ATP2B2: variants seen among roughly 807,000 people sequenced by gnomAD.
ATP2B2 encodes ATPase plasma membrane Ca2+ transporting 2, also known as plasma membrane calcium-transporting ATPase 2.
A neutral mutation model predicts 120.0 loss-of-function variants in ATP2B2; 15 were observed. The ratio of observed to expected loss-of-function variants is 0.12; its 90% CI spans 0.08 to 0.19. The LOEUF (loss-of-function observed/expected upper bound fraction) is 0.19. ATP2B2 is among the 10% of genes least tolerant of loss of function. The probability of loss-of-function intolerance (pLI) is 1.00; values close to 1 mark genes in which losing one functional copy is unlikely to be tolerated. For missense variants in ATP2B2, 1,045 were observed against 1,719.8 expected (o/e 0.61, Z 6.94); for synonymous variants, 694 against 700.3 (o/e 0.99, Z 0.14).
At chr3:10,527,781 C>T (rs140486782) in intron 3 of ATP2B2, among the ~76,000 whole-genome samples, 108 of 152,346 alleles carry the variant, frequency 7.1e-4, no homozygotes, top group African/African-American at 2.5e-3. Flanking sequence ...CCGGTGTCCC[C>T]GCTGGGTTTC....
intron 6 of ATP2B2, among the ~76,000 whole-genome samples, chr3:10,387,409 C>T (rs2061711892): frequency 1.3e-5 from 2 of 152,228 alleles, no homozygotes; most frequent in South Asian, 4.1e-4. Context: ...GTGGGGGAGG[C>T]ATCTGTCCTC....
chr3:10,512,194 TGTC>T (rs1161661881), intron 3 of ATP2B2, among the ~76,000 whole-genome samples: 5 of 152,106 alleles, frequency 3.3e-5, no homozygotes, highest in Non-Finnish European at 7.4e-5. Flanking sequence ...GTGATCTCTC[TGTC>T]GTCTTCCTGC....
intron 3 of ATP2B2, among the ~76,000 whole-genome samples, chr3:10,405,439 T>G (rs2062376681): frequency 6.6e-6 from 1 of 151,950 alleles, no homozygotes; most frequent in South Asian, 2.1e-4. Context: ...AAAGTGGGAG[T>G]GCAGATCGCT....
chr3:10,557,275 G>C (rs1360607883), intron 2 of ATP2B2, among the ~76,000 whole-genome samples: 1 of 152,244 alleles, frequency 6.6e-6, no homozygotes, highest in African/African-American at 2.4e-5. Flanking sequence ...CCAGAGAGTA[G>C]GCAGACGCTT....
At chr3:10,426,852 C>T (rs1474987693) in intron 2 of ATP2B2, among the ~76,000 whole-genome samples, 7 of 6,050 alleles carry the variant, frequency 1.2e-3, no homozygotes, top group Admixed American at 2.5e-3. Flanking sequence ...AAGAATTTTG[C>T]GGGGGATAGG....
intron 1 of ATP2B2, among the ~76,000 whole-genome samples, chr3:10,624,226 C>T (rs181836816): frequency 8.9e-4 from 135 of 152,278 alleles, no homozygotes; most frequent in Admixed American, 2.8e-3. Flanking sequence ...GGAATGGTGG[C>T]CTCAAAGATC....
intron 1 of ATP2B2, among the ~76,000 whole-genome samples, chr3:10,669,859 G>A (rs1193179261): frequency 6.6e-6 from 1 of 152,162 alleles, no homozygotes; most frequent in Non-Finnish European, 1.5e-5. Context: ...TGGGTTACCC[G>A]AGGTCAGTCC....
At chr3:10,493,840 C>T (rs2066031029) in intron 1 of ATP2B2, among the ~76,000 whole-genome samples, 1 of 152,138 alleles carries the variant, frequency 6.6e-6, no homozygotes, top group Non-Finnish European at 1.5e-5. Flanking sequence ...CAGGAAGGCC[C>T]TCAGAAGGGG....
chr3:10,395,953 C>A (rs1408357327), intron 5 of ATP2B2, among the ~76,000 whole-genome samples: 2 of 152,252 alleles, frequency 1.3e-5, no homozygotes, highest in Non-Finnish European at 2.9e-5. Context: ...TTTGAAGATA[C>A]ACCAGACATG....
chr3:10,377,652 T>C (rs2061418450), intron 10 of ATP2B2, among the ~76,000 whole-genome samples: 1 of 152,222 alleles, frequency 6.6e-6, no homozygotes, highest in African/African-American at 2.4e-5. Flanking sequence ...GACCATGGGT[T>C]TCTCCCTGGG....
intron 1 of ATP2B2, among the ~76,000 whole-genome samples, chr3:10,690,715 G>GA (rs2071643684): frequency 6.6e-6 from 1 of 152,116 alleles, no homozygotes; most frequent in Non-Finnish European, 1.5e-5. Flanking sequence ...GTGTGGAGAA[G>GA]AAAAGAAGGG....
intron 1 of ATP2B2, among the ~76,000 whole-genome samples, chr3:10,465,553 A>G (rs1376500849): frequency 6.6e-6 from 1 of 152,208 alleles, no homozygotes; most frequent in Non-Finnish European, 1.5e-5. Context: ...GTGAGACATG[A>G]TCTAGGAGAG....
intron 1 of ATP2B2, among the ~76,000 whole-genome samples, chr3:10,700,941 T>A (rs115719037): frequency 6.6e-6 from 1 of 151,874 alleles, no homozygotes; most frequent in African/African-American, 2.4e-5. Flanking sequence ...AAATGACACA[T>A]GTCACTTTTC....
chr3:10,373,287 C>T (rs909562769), intron 11 of ATP2B2, among the ~76,000 whole-genome samples: 2 of 152,224 alleles, frequency 1.3e-5, no homozygotes, highest in Non-Finnish European at 1.5e-5. Context: ...ACCAGGATCA[C>T]ACACCCGGAG....
chr3:10,633,890 T>C (rs1319227467), intron 1 of ATP2B2, among the ~76,000 whole-genome samples: 1 of 152,196 alleles, frequency 6.6e-6, no homozygotes, highest in Non-Finnish European at 1.5e-5. Flanking sequence ...AAATGCCTGA[T>C]ACTCACTTTC....
In ATP2B2 at chr3:10,579,499, C is replaced by T. The variant is rs773280924; in HGVS notation, c.-415+40418G>A. 3.9e-5 allele frequency among the ~76,000 whole-genome samples: 6 copies of T among 152,080 alleles called. 1 individual carries two copies. Among genetic ancestry groups the T allele is most frequent in the African/African-American group, 4.8e-5 (2 of 41,432 alleles). On this transcript the variant is annotated intron_variant, in intron 2 of 21. Coordinates refer to the ATP2B2 transcript ENST00000646379. ...AGCAGCCTGGCTAACATGGTGAAACCCCCATCTCTACTAAAAATACAATAA... is the reference window on the plus strand; with the variant it reads ...AGCAGCCTGGCTAACATGGTGAAACTCCCATCTCTACTAAAAATACAATAA...
chr3:10,474,100 TG>T (rs1333907995), intron 1 of ATP2B2, among the ~76,000 whole-genome samples: 1 of 150,668 alleles, frequency 6.6e-6, no homozygotes, highest in African/African-American at 2.4e-5. Flanking sequence ...GGGGCAGCAG[TG>T]GTGTTGGAGA....
At chr3:10,582,273 T>A (rs1227442595) in intron 2 of ATP2B2, among the ~76,000 whole-genome samples, 1 of 151,914 alleles carries the variant, frequency 6.6e-6, no homozygotes, top group Non-Finnish European at 1.5e-5. Flanking sequence ...TGGCTGAGAG[T>A]TGGAGACAGA....
intron 7 of ATP2B2, among the ~76,000 whole-genome samples, chr3:10,385,785 A>C (rs1431374132): frequency 6.6e-6 from 1 of 152,238 alleles, no homozygotes; most frequent in Non-Finnish European, 1.5e-5. Flanking sequence ...TCTGTGCATC[A>C]GGGTGTTCTG....
Sources: allele counts gnomAD v4.1 joint callset (sites outside exome capture counted in the v4.1 genomes callset), GRCh38; gene constraint gnomAD v4.1.1; transcripts MANE v1.5; gene names NCBI Gene and HGNC (gene_info 2026-07-23, HGNC 2026-07-21).